The following MAP4 variants were observed in gnomAD, a reference collection of about 807,000 sequenced individuals.
The protein encoded by MAP4 is microtubule associated protein 4.
Under a neutral mutation model 170.2 loss-of-function variants are expected in MAP4, and 76 were observed. The ratio of observed to expected loss-of-function variants is 0.45; its 90% CI spans 0.37 to 0.54. The LOEUF (loss-of-function observed/expected upper bound fraction) is 0.54, where lower values mean the gene tolerates loss of function less well. MAP4 is among the 20% of genes least tolerant of loss of function. MAP4 has a pLI of 0.00. For synonymous variants in MAP4, 909 were observed against 994.5 expected, an observed-to-expected ratio of 0.91 and a Z score of 1.62; for missense variants, 2,506 against 2,748.0, an observed-to-expected ratio of 0.91 and a Z score of 1.97.
chr3:47,905,585 G>C (rs1169882918), intron 9 of MAP4, among the ~76,000 whole-genome samples: 1 of 150,476 alleles, frequency 6.6e-6, no homozygotes, highest in Non-Finnish European at 1.5e-5. Flanking sequence ...TTCTAGATTG[G>C]CCAACAATTT....
At chr3:48,085,705 T>C (rs1398214072) in intron 1 of MAP4, among the ~76,000 whole-genome samples, 1 of 152,100 alleles carries the variant, frequency 6.6e-6, no homozygotes, top group Non-Finnish European at 1.5e-5. Flanking sequence ...GTGGATCATC[T>C]GAGGTCAGGA....
chr3:48,040,393 C>A (rs1015761691), intron 1 of MAP4, among the ~76,000 whole-genome samples: 22 of 151,036 alleles, frequency 1.5e-4, no homozygotes, highest in African/African-American at 5.1e-4. Context: ...CTCAGCCTCC[C>A]GAGTAGCTGA....
upstream of MAP4, among the ~76,000 whole-genome samples, chr3:48,020,713 TAAAAAAACA>T (rs1559804810): frequency 6.6e-6 from 1 of 152,114 alleles, no homozygotes; most frequent in East Asian, 1.9e-4. Context: ...TTAAAAGTAT[TAAAAAAACA>T]AAAAAAACAC....
chr3:47,962,468 T>A (rs529710560), intron 3 of MAP4, among the ~76,000 whole-genome samples: 1 of 152,282 alleles, frequency 6.6e-6, no homozygotes, highest in South Asian at 2.1e-4. Context: ...GCGCATACTT[T>A]TCCAAATTTG....
intron 2 of MAP4, among the ~76,000 whole-genome samples, chr3:47,978,196 A>G (rs2100083323): frequency 1.3e-5 from 2 of 152,222 alleles, no homozygotes; most frequent in Admixed American, 6.5e-5. Flanking sequence ...AATCTTTTTC[A>G]TTCTGTAAAT....
intron 1 of MAP4, among the ~76,000 whole-genome samples, chr3:48,004,222 C>A (rs574590929): frequency 1.4e-4 from 21 of 152,210 alleles, no homozygotes; most frequent in Non-Finnish European, 2.1e-4. Context: ...CTGGAGTTGG[C>A]TGCTTAATAT....
chr3:48,066,638 C>A (rs1026867258), intron 1 of MAP4, among the ~76,000 whole-genome samples: 2 of 151,946 alleles, frequency 1.3e-5, no homozygotes, highest in Admixed American at 1.3e-4. Flanking sequence ...GGATTACAGG[C>A]GTGCGCCAAG....
intron 2 of MAP4, among the ~76,000 whole-genome samples, chr3:47,981,365 G>A (rs2100085332): frequency 6.6e-6 from 1 of 151,862 alleles, no homozygotes; most frequent in Admixed American, 6.6e-5. Context: ...GACCAGCCTG[G>A]GCAACATAGT....
intron 10 of MAP4, among the ~76,000 whole-genome samples, chr3:47,902,482 T>C (rs2100030590): frequency 6.6e-6 from 1 of 151,974 alleles, no homozygotes; most frequent in Non-Finnish European, 1.5e-5. Flanking sequence ...AAGACCAGCC[T>C]GGCTAACATG....
chr3:47,913,432 TC>T (rs1403158814), intron 8 of MAP4, among the ~76,000 whole-genome samples: 1 of 152,192 alleles, frequency 6.6e-6, no homozygotes, highest in Non-Finnish European at 1.5e-5. Context: ...GGCTATAGTA[TC>T]CCCCAGTATT....
chr3:48,050,118 G>A (rs2100126852), intron 1 of MAP4, among the ~76,000 whole-genome samples: 1 of 151,680 alleles, frequency 6.6e-6, no homozygotes, highest in Admixed American at 6.6e-5. Flanking sequence ...AAAGTAGCTG[G>A]GCGTGGTGGC....
chr3:47,892,446 C>T (rs556670847), intron 10 of MAP4: 51 of 1,535,734 alleles, frequency 3.3e-5, no homozygotes, highest in African/African-American at 2.1e-4. Flanking sequence ...CTGAGCTGAC[C>T]GTACGCGGCA....
intron 3 of MAP4, among the ~76,000 whole-genome samples, chr3:47,967,002 A>T (rs949111368): frequency 1.3e-5 from 2 of 152,214 alleles, no homozygotes; most frequent in African/African-American, 4.8e-5. Flanking sequence ...TTTCTGCAAA[A>T]AACATTGTTC....
chr3:47,984,931 T>C (rs1240776568), intron 2 of MAP4, among the ~76,000 whole-genome samples: 1 of 151,176 alleles, frequency 6.6e-6, no homozygotes, highest in Non-Finnish European at 1.5e-5. Context: ...ATCATGCCAC[T>C]GCCCTCCAGA....
At chr3:48,065,944 C>A (rs1180988983) in intron 1 of MAP4, among the ~76,000 whole-genome samples, 2 of 151,954 alleles carry the variant, frequency 1.3e-5, no homozygotes, top group Non-Finnish European at 2.9e-5. Context: ...CATAGTAAGA[C>A]CCCATCTCTA....
chr3:47,862,085 C>T (rs1171101801), intron 17 of MAP4, among the ~76,000 whole-genome samples: 3 of 143,112 alleles, frequency 2.1e-5, no homozygotes, highest in Non-Finnish European at 3.0e-5. Flanking sequence ...CACTTGAATT[C>T]GGGAGGCGGA....
chr3:47,891,613 CT>C (rs1408162835), intron 10 of MAP4: 1 of 1,535,974 alleles, frequency 6.5e-7, no homozygotes, highest in African/African-American at 1.4e-5. Context: ...CTGCCTTTTT[CT>C]GCTGGGGGGC....
At chr3:47,871,358 T>C in intron 13 of MAP4, 72 bp from the exon 14 acceptor site, 7 of 1,175,928 alleles carry the variant, frequency 6.0e-6, no homozygotes, top group Admixed American at 1.7e-5. Flanking sequence ...AATAGTGAGA[T>C]TCCTCATTAT....
intron 18 of MAP4, among the ~76,000 whole-genome samples, chr3:47,856,335 A>G (rs1327162054): frequency 6.6e-6 from 1 of 152,260 alleles, no homozygotes; most frequent in Non-Finnish European, 1.5e-5. Flanking sequence ...AGTATCTGAT[A>G]GGAGATTTCC....
Sources: gnomAD v4.1 joint callset for allele counts (sites outside exome capture counted in the v4.1 genomes callset) on GRCh38, gnomAD v4.1.1 for gene constraint, MANE v1.5 for transcripts, NCBI Gene and HGNC (gene_info 2026-07-23, HGNC 2026-07-21) for gene names.